Variants in SEL1L3 observed in about 807,000 individuals in gnomAD.
SEL1L3 encodes the protein protein sel-1 homolog 3.
In SEL1L3, 76 loss-of-function variants were observed where a neutral mutation model predicts 142.8. The ratio of observed to expected loss-of-function variants is 0.53; its 90% confidence interval spans 0.44 to 0.64. The LOEUF is 0.64. Among genes scored for constraint, SEL1L3 ranks in the 30% least tolerant of loss-of-function variants. The pLI, the probability that SEL1L3 is intolerant of heterozygous loss-of-function variation, is 0.00. For synonymous variants in SEL1L3, 504 were observed against 519.6 expected (o/e 0.97, Z 0.41); for missense variants, 1,262 against 1,381.7 (o/e 0.91, Z 1.37).
intron 6 of SEL1L3, 107 bp from the exon 7 acceptor site, chr4:25,822,235 C>T: frequency 7.4e-7 from 1 of 1,356,670 alleles, no homozygotes; most frequent in Non-Finnish European, 1.0e-6. Flanking sequence ...TGCCCCAAGC[C>T]CTTCACTCTG....
intron 6 of SEL1L3, among the ~76,000 whole-genome samples, chr4:25,823,588 A>C (rs905959183): frequency 2.0e-5 from 3 of 152,166 alleles, no homozygotes; most frequent in Non-Finnish European, 4.4e-5. Context: ...GAGGATTCTT[A>C]TTTTAAAGAA....
At chr4:25,723,147 GCTC>G in the SEL1L3 span, among the ~76,000 whole-genome samples, 1 of 152,190 alleles carries the variant, frequency 6.6e-6, no homozygotes, top group African/African-American at 2.4e-5. Context: ...GTGATGTTCT[GCTC>G]ATTTTATGGC....
the SEL1L3 span, among the ~76,000 whole-genome samples, chr4:25,739,603 G>A: frequency 2.5e-4 from 38 of 151,716 alleles, no homozygotes; most frequent in African/African-American, 7.0e-4. Context: ...AGCTACTCGG[G>A]AGCTGAGGCA....
At chr4:25,727,892 C>A in the SEL1L3 span, among the ~76,000 whole-genome samples, 2 of 152,092 alleles carry the variant, frequency 1.3e-5, no homozygotes. Flanking sequence ...GCATCACAGC[C>A]CACTAGTTAA....
rs1716602493 is a variant in SEL1L3, at chr4:25,847,483, T to C, written c.544A>G (p.Ser182Gly). Residue 182 changes from serine to glycine, a missense_variant, in exon 2 of 24, where the codon AGT (serine) becomes GGT (glycine). Around this residue, in one of 3 missense-constraint regions of SEL1L3, gnomAD observed 689 missense variants for 692.8 expected, o/e 0.99. Coordinates refer to ENST00000399878, the MANE Select transcript of SEL1L3 (RefSeq NM_015187.5). The part of the protein sequence containing the change: ...IVRAWITHKY[S>G]GRDWNVKWEE... ...CATTTAACATTCCAGTCTCTGCCAC[T>C]GTATTTGTGAGTAATCCAGGCGCGT... 2 of 1,613,946 alleles carry C rather than the reference T, an allele frequency of 1.2e-6. No homozygotes were observed. The highest frequency in any genetic ancestry group is 1.3e-5 in the African/African-American group (1 of 74,946).
intron 2 of SEL1L3, among the ~76,000 whole-genome samples, chr4:25,842,730 A>T (rs2109302134): frequency 6.6e-6 from 1 of 152,368 alleles, no homozygotes; most frequent in East Asian, 1.9e-4. Flanking sequence ...TTCAATCAAC[A>T]AGTAGTCATG....
At chr4:25,776,484 A>T in intron 16 of SEL1L3, 124 bp from the exon 17 acceptor site, 2 of 646,528 alleles carry the variant, frequency 3.1e-6, no homozygotes, top group Non-Finnish European at 5.4e-6. Flanking sequence ...TTTATAGAGC[A>T]ACAAACCAGA....
chr4:25,765,472 GT>G (rs762843779), intron 19 of SEL1L3, 37 bp from the exon 20 acceptor site: 44 of 1,389,262 alleles, frequency 3.2e-5, no homozygotes, highest in South Asian at 2.2e-4. Flanking sequence ...TTGTCAAGTG[GT>G]TTTTTTTATA....
intron 1 of SEL1L3, among the ~76,000 whole-genome samples, chr4:25,848,235 G>A (rs888088134): frequency 1.3e-5 from 2 of 152,342 alleles, no homozygotes; most frequent in South Asian, 2.1e-4. Context: ...TGCAGCTTCA[G>A]ACATTTTCAA....
At chr4:25,757,293 TA>T (rs1392427220) in intron 23 of SEL1L3, among the ~76,000 whole-genome samples, 4 of 151,536 alleles carry the variant, frequency 2.6e-5, no homozygotes, top group Non-Finnish European at 5.9e-5. Context: ...AAATAAAAAA[TA>T]AAATCCTTAT....
the SEL1L3 span, among the ~76,000 whole-genome samples, chr4:25,730,056 T>C: frequency 1.3e-5 from 2 of 149,502 alleles, no homozygotes; most frequent in African/African-American, 4.8e-5. Flanking sequence ...CCTGCCAGGT[T>C]CAAGTGATTC....
chr4:25,842,388 G>T (rs983759661), intron 2 of SEL1L3, among the ~76,000 whole-genome samples: 10 of 152,016 alleles, frequency 6.6e-5, no homozygotes, highest in African/African-American at 9.7e-5. Context: ...CGTGGGCAGG[G>T]GGAGTCGGGG....
chr4:25,782,131 A>G, intron 15 of SEL1L3, 111 bp downstream of exon 15: 1 of 936,950 alleles, frequency 1.1e-6, no homozygotes, highest in East Asian at 2.4e-5. Context: ...GAGCTCCTCG[A>G]GGACAGGGAC....
intron 11 of SEL1L3, among the ~76,000 whole-genome samples, chr4:25,801,972 A>C (rs1339411935): frequency 6.6e-6 from 1 of 152,230 alleles, no homozygotes; most frequent in Admixed American, 6.5e-5. Context: ...CACAAAGACA[A>C]GATGCCTATG....
the SEL1L3 span, among the ~76,000 whole-genome samples, chr4:25,741,505 C>CT: frequency 6.6e-6 from 1 of 152,254 alleles, no homozygotes; most frequent in East Asian, 1.9e-4. Flanking sequence ...TCTTCATCTA[C>CT]TTTAAGTCTT....
intron 20 of SEL1L3, among the ~76,000 whole-genome samples, chr4:25,762,958 G>C (rs577246667): frequency 6.4e-4 from 93 of 145,822 alleles, no homozygotes; most frequent in Non-Finnish European, 7.8e-4. Flanking sequence ...CCTGGCGACA[G>C]AGTGAGACTC....
chr4:25,823,717 T>A (rs540042661), intron 6 of SEL1L3, among the ~76,000 whole-genome samples: 8 of 151,760 alleles, frequency 5.3e-5, no homozygotes, highest in Non-Finnish European at 1.2e-4. Flanking sequence ...AAGGGGCAGA[T>A]GGAAGCAGAG....
At chr4:25,785,721 A>AG (rs1016236997) in intron 13 of SEL1L3, among the ~76,000 whole-genome samples, 2 of 152,270 alleles carry the variant, frequency 1.3e-5, no homozygotes, top group African/African-American at 4.8e-5. Context: ...GAGTAACTGG[A>AG]GAGGGGAGGA....
intron 1 of SEL1L3, among the ~76,000 whole-genome samples, chr4:25,854,497 C>T (rs1011887819): frequency 2.0e-5 from 3 of 152,110 alleles, no homozygotes; most frequent in Non-Finnish European, 4.4e-5. Context: ...AGGCTGCTCT[C>T]GAACTTCTGA....
Sources: gnomAD v4.1 joint callset for allele counts (sites outside exome capture counted in the v4.1 genomes callset) on GRCh38, gnomAD v4.1.1 for gene constraint, gnomAD v4.1.1 regional missense constraint, MANE v1.5 for transcripts, NCBI Gene and HGNC (gene_info 2026-07-23, HGNC 2026-07-21) for gene names.